The following TENM3 variants were observed in gnomAD, a reference collection of about 807,000 sequenced individuals.
The protein encoded by TENM3 is teneurin transmembrane protein 3, also known as teneurin-3.
In TENM3, 63 loss-of-function variants were observed where a neutral mutation model predicts 255.1. The ratio of observed to expected loss-of-function variants is 0.25; its 90% CI spans 0.20 to 0.30. TENM3 has a LOEUF of 0.30. Ranked by LOEUF, TENM3 falls within the 10% of genes least tolerant of loss-of-function variation. The pLI, the probability that TENM3 is intolerant of heterozygous loss-of-function variation, is 1.00. For missense variants in TENM3, 2,929 were observed against 3,461.1 expected, an observed-to-expected ratio of 0.85 and a Z score of 3.86; for synonymous variants, 1,306 against 1,322.3, an observed-to-expected ratio of 0.99 and a Z score of 0.27.
intron 3 of TENM3, among the ~76,000 whole-genome samples, chr4:182,479,052 T>C (rs115406542): frequency 0.011 from 1,602 of 152,046 alleles, 27 homozygotes; most frequent in African/African-American, 0.037. Context: ...TTTTGAAAAT[T>C]GTAGTTGGAA....
At chr4:182,788,943 A>T (rs1477311964) in intron 24 of TENM3, 150 bp from the exon 25 acceptor site, 4 of 618,102 alleles carry the variant, frequency 6.5e-6, no homozygotes, top group Non-Finnish European at 1.1e-5. Flanking sequence ...AGAGCAGTTA[A>T]TCTACTGCCT....
chr4:181,970,248 C>A, the TENM3 span, among the ~76,000 whole-genome samples: 3 of 152,042 alleles, frequency 2.0e-5, no homozygotes, highest in African/African-American at 4.8e-5. Context: ...AATTGCTATA[C>A]GTGAAATTTC....
the TENM3 span, among the ~76,000 whole-genome samples, chr4:181,974,874 T>A: frequency 6.6e-6 from 1 of 152,202 alleles, no homozygotes; most frequent in Non-Finnish European, 1.5e-5. Context: ...TGGCTTCAAG[T>A]GTACCCATCA....
intron 13 of TENM3, among the ~76,000 whole-genome samples, chr4:182,715,093 AG>A (rs1324191695): frequency 6.6e-6 from 1 of 152,196 alleles, no homozygotes; most frequent in Non-Finnish European, 1.5e-5. Context: ...CATGTTGGTC[AG>A]GCTGGTCCCA....
the TENM3 span, among the ~76,000 whole-genome samples, chr4:181,952,092 G>A: frequency 2.0e-5 from 3 of 152,164 alleles, no homozygotes; most frequent in Non-Finnish European, 2.9e-5. Flanking sequence ...AATGCCTGTC[G>A]TGAATAAAGC....
chr4:182,797,788 C>A (rs1447273532), intron 27 of TENM3, among the ~76,000 whole-genome samples: 2 of 152,084 alleles, frequency 1.3e-5, no homozygotes, highest in African/African-American at 4.8e-5. Context: ...TTTCTTAGGA[C>A]AATTAATTCC....
chr4:182,325,156 A>G (rs1006676352), intron 2 of TENM3, among the ~76,000 whole-genome samples: 1 of 152,228 alleles, frequency 6.6e-6, no homozygotes, highest in Non-Finnish European at 1.5e-5. Context: ...AAATGAGAAA[A>G]AATAAATTAA....
chr4:182,111,567 G>T, the TENM3 span, among the ~76,000 whole-genome samples: 6 of 152,312 alleles, frequency 3.9e-5, no homozygotes, highest in Admixed American at 3.9e-4. Flanking sequence ...AATACACTGA[G>T]ACAAATGTGG....
the TENM3 span, among the ~76,000 whole-genome samples, chr4:181,754,921 T>C: frequency 6.6e-6 from 1 of 152,224 alleles, no homozygotes; most frequent in Non-Finnish European, 1.5e-5. Flanking sequence ...GCCTTGATTA[T>C]TGTTACCTTT....
intron 1 of TENM3, among the ~76,000 whole-genome samples, chr4:182,321,340 T>C (rs1054583212): frequency 2.0e-5 from 3 of 152,140 alleles, no homozygotes; most frequent in African/African-American, 7.2e-5. Flanking sequence ...AAATAACTTC[T>C]TGGGGCCGGG....
intron 5 of TENM3, among the ~76,000 whole-genome samples, chr4:182,637,216 C>T: frequency 6.6e-6 from 1 of 152,180 alleles, no homozygotes; most frequent in East Asian, 1.9e-4. Context: ...ACAAAGGTTT[C>T]ATCCTAGAAT....
chr4:182,780,256 T>C (rs1255901061), intron 24 of TENM3, among the ~76,000 whole-genome samples: 3 of 146,800 alleles, frequency 2.0e-5, no homozygotes, highest in Non-Finnish European at 4.5e-5. Flanking sequence ...AGGGATCCAG[T>C]TTCAGCTTTC....
the TENM3 span, among the ~76,000 whole-genome samples, chr4:182,053,141 C>G: frequency 6.6e-6 from 1 of 152,036 alleles, no homozygotes; most frequent in African/African-American, 2.4e-5. Flanking sequence ...TTTCTATGAC[C>G]AGATGAGATG....
intron 22 of TENM3, among the ~76,000 whole-genome samples, chr4:182,769,428 TG>T (rs1374325488): frequency 6.8e-6 from 1 of 146,184 alleles, no homozygotes; most frequent in African/African-American, 2.6e-5. Flanking sequence ...CGCACTGAAA[TG>T]AAAAAAAAAA....
chr4:182,095,056 G>C, the TENM3 span, among the ~76,000 whole-genome samples: 4 of 152,078 alleles, frequency 2.6e-5, no homozygotes, highest in African/African-American at 9.7e-5. Flanking sequence ...GGAGAAAGAA[G>C]AACCCTACTA....
At chr4:182,579,525 GA>G (rs1432109748) in intron 3 of TENM3, among the ~76,000 whole-genome samples, 1 of 152,188 alleles carries the variant, frequency 6.6e-6, no homozygotes, top group Non-Finnish European at 1.5e-5. Context: ...GAAAGAGGAG[GA>G]GATCTTGGAT....
rs112299703 is a variant in TENM3 at position 182,307,659 on chromosome 4, G to A, written c.-75-16287G>A. ...AATTACTTTAAAGCAGAGCCGTGGT[G>A]GGCAAAATTAGATCATATTTTCTCA... is the stretch of plus-strand genomic sequence containing the variant. On this transcript the variant is annotated intron_variant, in intron 1 of 27. Coordinates refer to ENST00000511685, the MANE Select transcript of TENM3 (RefSeq NM_001080477.4). Among the ~76,000 whole-genome samples, 1,202 of 152,268 alleles carry A rather than the reference G, an allele frequency of 7.9e-3. 24 individuals carry two copies. Among genetic ancestry groups the A allele is most frequent in the African/African-American group, 0.027 (1,131 of 41,548 alleles).
chr4:182,609,672 G>A (rs1748801313), intron 4 of TENM3, among the ~76,000 whole-genome samples: 1 of 152,178 alleles, frequency 6.6e-6, no homozygotes, highest in Non-Finnish European at 1.5e-5. Flanking sequence ...TGGTCATGGT[G>A]TGTGGAAAGA....
chr4:181,981,230 C>G, the TENM3 span, among the ~76,000 whole-genome samples: 1 of 152,136 alleles, frequency 6.6e-6, no homozygotes, highest in Non-Finnish European at 1.5e-5. Context: ...AAGTCTCTAC[C>G]TACAATTTAC....
Sources: allele counts gnomAD v4.1 joint callset (sites outside exome capture counted in the v4.1 genomes callset), GRCh38; gene constraint gnomAD v4.1.1; transcripts MANE v1.5; gene names NCBI Gene and HGNC (gene_info 2026-07-23, HGNC 2026-07-21).